The following DENND1A variants were observed in gnomAD, a reference collection of about 807,000 sequenced individuals.
The protein encoded by DENND1A is DENN domain-containing protein 1A.
Under a neutral mutation model 113.7 loss-of-function variants are expected in DENND1A, and 51 were observed. That is an observed-to-expected ratio of 0.45 (90% CI 0.36 to 0.57). DENND1A has a LOEUF of 0.57. DENND1A is among the 20% of genes least tolerant of loss of function. The pLI is 0.00. For missense variants in DENND1A, 1,258 were observed against 1,395.9 expected (o/e 0.90, Z 1.57); for synonymous variants, 565 against 570.8 (o/e 0.99, Z 0.14).
intron 11 of DENND1A, among the ~76,000 whole-genome samples, chr9:123,585,200 A>G (rs1198409761): frequency 6.6e-6 from 1 of 152,196 alleles, no homozygotes; most frequent in Non-Finnish European, 1.5e-5. Context: ...GGGCTTGTCC[A>G]TAAACCTATC....
At chr9:123,775,436 A>G (rs952805265) in intron 3 of DENND1A, among the ~76,000 whole-genome samples, 2 of 152,296 alleles carry the variant, frequency 1.3e-5, no homozygotes, top group East Asian at 3.9e-4. Flanking sequence ...AGAACATACC[A>G]AAGGAATAGG....
intron 10 of DENND1A, among the ~76,000 whole-genome samples, chr9:123,615,290 T>C (rs535542188): frequency 1.3e-5 from 2 of 152,370 alleles, no homozygotes; most frequent in African/African-American, 4.8e-5. Flanking sequence ...TTGGAAAAGC[T>C]AAATCATTCA....
intron 5 of DENND1A, among the ~76,000 whole-genome samples, chr9:123,712,188 C>T (rs920951973): frequency 1.1e-4 from 17 of 152,222 alleles, no homozygotes; most frequent in Non-Finnish European, 5.9e-5. Context: ...GCCTACATGA[C>T]TATTCCATAT....
intron 19 of DENND1A, among the ~76,000 whole-genome samples, chr9:123,427,285 T>C (rs967102431): frequency 6.6e-6 from 1 of 152,240 alleles, no homozygotes; most frequent in Non-Finnish European, 1.5e-5. Context: ...GTCATTGCCA[T>C]CTCTGTTTTC....
chr9:123,449,332 C>T (rs769887602), intron 18 of DENND1A, among the ~76,000 whole-genome samples: 18 of 152,112 alleles, frequency 1.2e-4, no homozygotes, highest in Non-Finnish European at 2.1e-4. Context: ...GTCAGGAGAT[C>T]GAGACCATCC....
chr9:123,920,081 A>G (rs1369295086), intron 1 of DENND1A, among the ~76,000 whole-genome samples: 1 of 152,100 alleles, frequency 6.6e-6, no homozygotes, highest in African/African-American at 2.4e-5. Flanking sequence ...GATGTTTAAA[A>G]TTTTCCAAAA....
intron 5 of DENND1A, among the ~76,000 whole-genome samples, chr9:123,678,350 C>T (rs1426713318): frequency 6.6e-6 from 1 of 152,284 alleles, no homozygotes; most frequent in East Asian, 1.9e-4. Context: ...AGTATCCACA[C>T]CCCCAAGCAG....
chr9:123,719,173 C>T (rs2067171611), intron 5 of DENND1A, among the ~76,000 whole-genome samples: 1 of 152,168 alleles, frequency 6.6e-6, no homozygotes, highest in South Asian at 2.1e-4. Flanking sequence ...TCAGGTATGT[C>T]CTTATAGGCA....
At chr9:123,644,274 C>T (rs1589485385) in intron 9 of DENND1A, among the ~76,000 whole-genome samples, 2 of 147,732 alleles carry the variant, frequency 1.4e-5, no homozygotes, top group South Asian at 4.4e-4. Flanking sequence ...TGGGGGAGAA[C>T]GGCGGGGCTC....
At chr9:123,521,478 C>T (rs1377443669) in intron 13 of DENND1A, among the ~76,000 whole-genome samples, 1 of 152,152 alleles carries the variant, frequency 6.6e-6, no homozygotes, top group Non-Finnish European at 1.5e-5. Flanking sequence ...AAGTGAGATA[C>T]CCATATGACA....
chr9:123,607,535 A>AGT (rs2060220830), intron 11 of DENND1A, among the ~76,000 whole-genome samples: 4 of 126,274 alleles, frequency 3.2e-5, no homozygotes, highest in Admixed American at 3.0e-4. Context: ...AGAGAGAGAG[A>AGT]GAGAGAGAGA....
intron 19 of DENND1A, among the ~76,000 whole-genome samples, chr9:123,426,226 C>T (rs1387833457): frequency 6.6e-6 from 1 of 151,976 alleles, no homozygotes; most frequent in Non-Finnish European, 1.5e-5. Context: ...TGGAGAGGTG[C>T]CACATTCGGG....
chr9:123,599,374 G>T (rs1278214531), intron 11 of DENND1A, among the ~76,000 whole-genome samples: 1 of 152,042 alleles, frequency 6.6e-6, no homozygotes, highest in Admixed American at 6.5e-5. Flanking sequence ...TTTAGCAGGG[G>T]GGAAAAAAGG....
At chr9:123,741,244 C>T (rs952520788) in intron 5 of DENND1A, among the ~76,000 whole-genome samples, 7 of 152,124 alleles carry the variant, frequency 4.6e-5, no homozygotes, top group East Asian at 3.8e-4. Flanking sequence ...ACAATTTCAA[C>T]GGCATACCTG....
chr9:123,507,446 C>A (rs1039015008), intron 13 of DENND1A, among the ~76,000 whole-genome samples: 2 of 152,204 alleles, frequency 1.3e-5, no homozygotes, highest in Non-Finnish European at 2.9e-5. Context: ...AGCAGACCAA[C>A]TCATTCATTA....
intron 18 of DENND1A, among the ~76,000 whole-genome samples, chr9:123,449,352 T>C (rs1043295727): frequency 6.6e-6 from 1 of 152,132 alleles, no homozygotes; most frequent in Non-Finnish European, 1.5e-5. Context: ...CTGGCCAACA[T>C]GGCGAAACCC....
At chr9:123,465,308 ATTTTTTTTTTTTTT>A (rs60428558) in intron 13 of DENND1A, among the ~76,000 whole-genome samples, 1 of 80,118 alleles carries the variant, frequency 1.2e-5, no homozygotes, top group South Asian at 4.2e-4. Context: ...TTTGTCTTTG[ATTTTTTTTTTTTTT>A]TTTTTTTTTG....
At chr9:123,540,321 A>G (rs2056191581) in intron 13 of DENND1A, among the ~76,000 whole-genome samples, 2 of 152,240 alleles carry the variant, frequency 1.3e-5, no homozygotes, top group South Asian at 4.1e-4. Flanking sequence ...GGAGTTAAGT[A>G]GCATGCCCAA....
intron 11 of DENND1A, among the ~76,000 whole-genome samples, chr9:123,591,483 C>T (rs1022681696): frequency 1.3e-5 from 2 of 152,218 alleles, no homozygotes; most frequent in Admixed American, 6.5e-5. Flanking sequence ...TGCCTCTGCT[C>T]GTCCAACAGC....
Sources: allele counts gnomAD v4.1 joint callset (sites outside exome capture counted in the v4.1 genomes callset), GRCh38; gene constraint gnomAD v4.1.1; transcripts MANE v1.5; gene names NCBI Gene and HGNC (gene_info 2026-07-23, HGNC 2026-07-21).